AHCTF1: variants seen among roughly 807,000 people sequenced by gnomAD.
AHCTF1 encodes the protein protein ELYS.
A neutral mutation model predicts 248.4 loss-of-function variants in AHCTF1; 24 were observed. The ratio of observed to expected loss-of-function variants is 0.10; its 90% CI spans 0.07 to 0.14. AHCTF1 has a LOEUF of 0.14. Among genes scored for constraint, AHCTF1 ranks in the 10% least tolerant of loss-of-function variants. The probability of loss-of-function intolerance (pLI) is 1.00; values close to 1 mark genes in which losing one functional copy is unlikely to be tolerated. For missense variants in AHCTF1, 2,206 were observed against 2,636.2 expected (o/e 0.84, Z 3.57); for synonymous variants, 786 against 929.8 (o/e 0.85, Z 2.81).
At chr1:246,844,821 T>A (rs563144134) in intron 33 of AHCTF1, among the ~76,000 whole-genome samples, 141 of 151,580 alleles carry the variant, frequency 9.3e-4, no homozygotes, top group African/African-American at 3.2e-3. Flanking sequence ...TTTTTTTTTT[T>A]AACTATAGGG....
Position 246,891,055 on chromosome 1 carries a change from T to A in AHCTF1, c.1951A>T (p.Ile651Leu). 3.2e-6 allele frequency: 5 copies of A among 1,554,652 alleles called. No individual in the cohort carries two copies. Among genetic ancestry groups the A allele is most frequent in the Non-Finnish European group, 4.3e-6 (5 of 1,158,680 alleles). ...ACCACAAACTTATTGCTTAAGTCTA[T>A]CAGTCCTGTAAAGAAGAGTTAACAT... ...EAREITERGL[I>L]DLSNKFVVSH... is the part of the protein sequence containing the mutation. Residue 651 changes from isoleucine (I) to leucine (L), a missense_variant, in exon 16 of 36, where the codon ATA becomes TTA. By Grantham distance (5) the Ile-to-Leu change is conservative. Transcript: ENST00000648844.
At chr1:246,845,857 G>C (rs1016038359) in intron 33 of AHCTF1, among the ~76,000 whole-genome samples, 1 of 152,042 alleles carries the variant, frequency 6.6e-6, no homozygotes, top group Admixed American at 6.6e-5. Context: ...AGGTATAAAT[G>C]TGCCTCCTGT....
intron 12 of AHCTF1, among the ~76,000 whole-genome samples, chr1:246,896,336 A>G (rs542933106): frequency 6.6e-6 from 1 of 152,364 alleles, no homozygotes; most frequent in South Asian, 2.1e-4. Context: ...ATTGTAGATA[A>G]ACAAATTATG....
chr1:246,902,751 T>A (rs1665095478), intron 7 of AHCTF1, 76 bp from the exon 8 acceptor site: 1 of 1,367,470 alleles, frequency 7.3e-7, no homozygotes, highest in African/African-American at 1.5e-5. Flanking sequence ...ATTCTCCAAA[T>A]TTAAAGATTG....
intron 24 of AHCTF1, among the ~76,000 whole-genome samples, chr1:246,869,373 C>CTA (rs1464510825): frequency 6.6e-6 from 1 of 152,162 alleles, no homozygotes; most frequent in Non-Finnish European, 1.5e-5. Context: ...AGTCACATGT[C>CTA]TAGGACTTTA....
chr1:246,892,301 C>CTTTTTCT (rs1664261181), intron 14 of AHCTF1, among the ~76,000 whole-genome samples: 20 of 64,966 alleles, frequency 3.1e-4, no homozygotes, highest in African/African-American at 1.2e-3. Flanking sequence ...ATTTGTTTTA[C>CTTTTTCT]TTTTTTTTTT....
In AHCTF1 at chr1:246,891,774, C is replaced by T. The variant is rs115920770; in HGVS notation, c.1945+5G>A. ...AACACTCATTTGATAAAACAAAGAGCGTACCTCTCTCAGTGATCTCTCGGG... is the reference window on the plus strand; with the variant it reads ...AACACTCATTTGATAAAACAAAGAGTGTACCTCTCTCAGTGATCTCTCGGG... On this transcript the variant is annotated splice_donor_5th_base_variant and intron_variant, in intron 15 of 35. Transcript: ENST00000648844. 9.2e-4 allele frequency: 1,483 copies of T among 1,607,146 alleles called. 15 individuals carry two copies. The African/African-American group carries it at 0.017, about 18-fold the overall frequency.
At chr1:246,892,157 G>T (rs1664249412) in intron 14 of AHCTF1, among the ~76,000 whole-genome samples, 1 of 152,036 alleles carries the variant, frequency 6.6e-6, no homozygotes, top group Non-Finnish European at 1.5e-5. Flanking sequence ...TCTAGAGCTT[G>T]TCCTCATAAC....
chr1:246,877,306 A>G lies in AHCTF1; in HGVS notation c.2661-4T>C, dbSNP rs756239288. 1.3e-6 allele frequency: 2 copies of G among 1,567,982 alleles called. No individual in the cohort carries two copies. Among genetic ancestry groups the G allele is most frequent in the Non-Finnish European group, 1.7e-6 (2 of 1,162,074 alleles). ...ATTCCAGGCTTCAACCATACACCTG[A>G]AAGCAGTATTTATCAAAGTTTAGTT... is the stretch of plus-strand genomic sequence containing the variant. On this transcript the variant is annotated splice_region_variant and splice_polypyrimidine_tract_variant and intron_variant, in intron 21 of 35. Coordinates refer to ENST00000648844, the MANE Select transcript of AHCTF1 (RefSeq NM_001323342.2).
At chr1:246,921,524 A>G (rs1405186288) in intron 1 of AHCTF1, among the ~76,000 whole-genome samples, 1 of 152,222 alleles carries the variant, frequency 6.6e-6, no homozygotes, top group African/African-American at 2.4e-5. Flanking sequence ...GAGTAGTTTT[A>G]AATTATAGAT....
chr1:246,883,959 T>A (rs960481537), intron 21 of AHCTF1, among the ~76,000 whole-genome samples: 3 of 152,164 alleles, frequency 2.0e-5, no homozygotes, highest in Admixed American at 1.3e-4. Flanking sequence ...GAAAAAAACC[T>A]TCCAAACATG....
At chr1:246,930,801 C>G (rs1442870822) in intron 1 of AHCTF1, among the ~76,000 whole-genome samples, 1 of 152,094 alleles carries the variant, frequency 6.6e-6, no homozygotes, top group Non-Finnish European at 1.5e-5. Context: ...ACGTTTTGTT[C>G]TATGAAGAAC....
chr1:246,887,490 T>G, intron 19 of AHCTF1, 133 bp from the exon 20 acceptor site: 1 of 851,582 alleles, frequency 1.2e-6, no homozygotes, highest in Non-Finnish European at 1.8e-6. Flanking sequence ...TAGAAAGCCA[T>G]CATGGAGAGT....
intron 33 of AHCTF1, among the ~76,000 whole-genome samples, chr1:246,848,635 G>A (rs1660461882): frequency 1.3e-5 from 2 of 152,014 alleles, no homozygotes. Context: ...GGAGGCTGGG[G>A]CGGGTGGATC....
At chr1:246,897,409 T>C (rs371294351) in intron 12 of AHCTF1, among the ~76,000 whole-genome samples, 50 of 152,352 alleles carry the variant, frequency 3.3e-4, no homozygotes, top group African/African-American at 1.2e-3. Context: ...ATCAAATAAA[T>C]ATACAAAAAT....
At chr1:246,893,941 G>A (rs755895293) in intron 14 of AHCTF1, among the ~76,000 whole-genome samples, 2 of 152,196 alleles carry the variant, frequency 1.3e-5, no homozygotes, top group African/African-American at 4.8e-5. Context: ...AGTGGCTCAC[G>A]CCTTGTAATA....
chr1:246,864,247 T>A, intron 26 of AHCTF1, 131 bp from the exon 27 acceptor site: 1 of 907,380 alleles, frequency 1.1e-6, no homozygotes, highest in Non-Finnish European at 1.6e-6. Context: ...TATATTAATG[T>A]AATCCAAAGT....
At chr1:246,872,794 G>A (rs1488253928) in intron 24 of AHCTF1, among the ~76,000 whole-genome samples, 1 of 152,128 alleles carries the variant, frequency 6.6e-6, no homozygotes, top group East Asian at 1.9e-4. Context: ...GAAGTGTGCT[G>A]CTGTCGAGAC....
At position 246,883,949 on chromosome 1, in the gene AHCTF1, G is replaced by GA. The variant is rs1031158524; in HGVS notation, c.2660+1543dup. On this transcript the variant is annotated intron_variant, in intron 21 of 35. Coordinates refer to ENST00000648844, the MANE Select transcript of AHCTF1 (RefSeq NM_001323342.2). ...GAAGGACACCTGGAATCAAAAGGAG[G>GA]AAAAAAACCTTCCAAACATGTTTCT... Among the ~76,000 whole-genome samples the GA allele has an allele frequency of 1.3e-4, 20 of 152,036 alleles. No homozygotes were observed. The East Asian group carries it at 1.7e-3, about 13-fold the overall frequency.
Sources: gnomAD v4.1 joint callset for allele counts (sites outside exome capture counted in the v4.1 genomes callset) on GRCh38, gnomAD v4.1.1 for gene constraint, MANE v1.5 for transcripts, NCBI Gene and HGNC (gene_info 2026-07-23, HGNC 2026-07-21) for gene names.